Variants in KLF12 observed in about 807,000 individuals in gnomAD.
KLF12 encodes KLF transcription factor 12, also known as Krueppel-like factor 12.
A neutral mutation model predicts 37.8 loss-of-function variants in KLF12; 9 were observed. The observed-to-expected ratio is 0.24, with a 90% CI of 0.14 to 0.42. The LOEUF (loss-of-function observed/expected upper bound fraction) is 0.42, where lower values mean the gene tolerates loss of function less well. KLF12 is among the 10% of genes least tolerant of loss of function. The probability of loss-of-function intolerance (pLI) is 1.00; values close to 1 mark genes in which losing one functional copy is unlikely to be tolerated. For synonymous variants in KLF12, 208 were observed against 202.1 expected, an observed-to-expected ratio of 1.03 and a Z score of -0.25; for missense variants, 411 against 516.0, an observed-to-expected ratio of 0.80 and a Z score of 1.97.
At chr13:74,000,919 T>C (rs1227108660) in intron 1 of KLF12, among the ~76,000 whole-genome samples, 7 of 152,200 alleles carry the variant, frequency 4.6e-5, no homozygotes, top group Admixed American at 6.5e-5. Context: ...TCAAATGTAA[T>C]TGCCATTTTA....
At chr13:74,172,791 G>T in the KLF12 span, among the ~76,000 whole-genome samples, 1 of 152,154 alleles carries the variant, frequency 6.6e-6, no homozygotes, top group East Asian at 1.9e-4. Flanking sequence ...TGGGCGACCT[G>T]AATAAAATTT....
At chr13:73,697,890 C>T (rs9600156) in intron 7 of KLF12, among the ~76,000 whole-genome samples, 9,014 of 152,168 alleles carry the variant, frequency 0.059, 360 homozygotes, top group Non-Finnish European at 0.088. Flanking sequence ...TGGTTGCTTA[C>T]GGCAGTAATC....
rs1424161860 is a variant in KLF12, at chr13:73,845,907, T to C, written c.590A>G (p.Tyr197Cys). The stretch of plus-strand genomic sequence containing the variant: ...ATTTCCAGGTGACCTTACAGCTGTG[T>C]AGACAACAGGCACCGACTGTACCAC... The change falls in exon 4 of 8, where the codon TAC becomes TGC. Residue 197 changes from tyrosine to cysteine, a missense_variant. By Grantham distance (194) the Tyr-to-Cys change is radical (BLOSUM62 -2). Transcript: ENST00000377669. 6.2e-7 allele frequency: 1 copy of C among 1,614,156 alleles called. No homozygotes were observed. Among genetic ancestry groups the C allele is most frequent in the Admixed American group, 1.7e-5 (1 of 60,014 alleles).
chr13:73,878,148 T>C (rs1219683748), intron 3 of KLF12, among the ~76,000 whole-genome samples: 1 of 152,164 alleles, frequency 6.6e-6, no homozygotes, highest in Non-Finnish European at 1.5e-5. Flanking sequence ...AGACTCTTAA[T>C]GGGTCATAAG....
chr13:74,163,586 G>A, the KLF12 span, among the ~76,000 whole-genome samples: 5 of 152,258 alleles, frequency 3.3e-5, no homozygotes, highest in African/African-American at 9.6e-5. Context: ...AAGGGTTGTG[G>A]GGGTTGGAGG....
chr13:74,302,830 G>A, the KLF12 span, among the ~76,000 whole-genome samples: 1 of 152,092 alleles, frequency 6.6e-6, no homozygotes, highest in African/African-American at 2.4e-5. Flanking sequence ...GCCAAAGGAG[G>A]TGGGGGTGCT....
At chr13:74,177,998 A>G in the KLF12 span, among the ~76,000 whole-genome samples, 1 of 152,230 alleles carries the variant, frequency 6.6e-6, no homozygotes. Context: ...TCTTAAATGC[A>G]TTAGGGGTTG....
chr13:73,931,019 G>A (rs118135510), intron 3 of KLF12, among the ~76,000 whole-genome samples: 18 of 151,942 alleles, frequency 1.2e-4, no homozygotes, highest in Non-Finnish European at 2.5e-4. Context: ...ACCATGTCTC[G>A]CTAATTTTTT....
chr13:73,922,938 C>T (rs941969369), intron 3 of KLF12, among the ~76,000 whole-genome samples: 4 of 152,160 alleles, frequency 2.6e-5, no homozygotes, highest in African/African-American at 9.7e-5. Flanking sequence ...CCAGGCACAG[C>T]AGCCCTGCCA....
At chr13:74,245,350 C>G in the KLF12 span, among the ~76,000 whole-genome samples, 4 of 150,850 alleles carry the variant, frequency 2.7e-5, no homozygotes, top group Non-Finnish European at 5.9e-5. Flanking sequence ...TCATCTACAA[C>G]ATTTTGGTAT....
chr13:73,852,764 G>A (rs1216451169), intron 3 of KLF12, among the ~76,000 whole-genome samples: 7 of 151,846 alleles, frequency 4.6e-5, no homozygotes, highest in Admixed American at 2.6e-4. Context: ...GTGACAGAGC[G>A]AGACTCCATC....
chr13:73,888,964 T>C (rs1224390629), intron 3 of KLF12, among the ~76,000 whole-genome samples: 1 of 152,234 alleles, frequency 6.6e-6, no homozygotes, highest in East Asian at 1.9e-4. Context: ...TGTGTTCCTA[T>C]AAATCTCCTA....
intron 3 of KLF12, among the ~76,000 whole-genome samples, chr13:73,875,200 A>T (rs947789717): frequency 1.3e-5 from 2 of 152,058 alleles, no homozygotes; most frequent in African/African-American, 4.8e-5. Context: ...CAATTAATAT[A>T]AGTTAGGAAG....
intron 5 of KLF12, among the ~76,000 whole-genome samples, chr13:73,812,457 A>G (rs374594393): frequency 3.3e-5 from 5 of 152,014 alleles, no homozygotes; most frequent in African/African-American, 1.2e-4. Flanking sequence ...CACTATGTAC[A>G]TGTATGTTAA....
At chr13:74,062,320 T>C (rs911034879) in intron 1 of KLF12, among the ~76,000 whole-genome samples, 1 of 152,222 alleles carries the variant, frequency 6.6e-6, no homozygotes, top group Non-Finnish European at 1.5e-5. Context: ...TTTGTCTCTA[T>C]TTGGTTGATG....
the KLF12 span, among the ~76,000 whole-genome samples, chr13:74,288,432 A>G: frequency 5.9e-5 from 9 of 152,170 alleles, no homozygotes; most frequent in African/African-American, 2.2e-4. Flanking sequence ...GGGACTCTCT[A>G]ACATCTGAAA....
chr13:73,749,987 T>A (rs1390706259), intron 6 of KLF12, among the ~76,000 whole-genome samples: 1 of 152,188 alleles, frequency 6.6e-6, no homozygotes, highest in Non-Finnish European at 1.5e-5. Context: ...AGGGACTCAA[T>A]CTTGCCCCAG....
chr13:73,919,498 A>C (rs1485321522), intron 3 of KLF12, among the ~76,000 whole-genome samples: 1 of 152,214 alleles, frequency 6.6e-6, no homozygotes, highest in East Asian at 1.9e-4. Flanking sequence ...ATAGATAGAA[A>C]ACAAAATGAA....
chr13:73,967,281 G>T (rs1375248942), intron 2 of KLF12, among the ~76,000 whole-genome samples: 1 of 152,176 alleles, frequency 6.6e-6, no homozygotes, highest in Non-Finnish European at 1.5e-5. Context: ...AAATGAGTTT[G>T]AATCTGTGCA....
Sources: gnomAD v4.1 joint callset for allele counts (sites outside exome capture counted in the v4.1 genomes callset) on GRCh38, gnomAD v4.1.1 for gene constraint, MANE v1.5 for transcripts, NCBI Gene and HGNC (gene_info 2026-07-23, HGNC 2026-07-21) for gene names.